ZNHIT6: variants seen among roughly 807,000 people sequenced by gnomAD.
The protein encoded by ZNHIT6 is zinc finger HIT-type containing 6.
ZNHIT6 carries 45 observed loss-of-function variants against 57.2 expected under a neutral mutation model. The observed-to-expected ratio is 0.79, with a 90% CI of 0.62 to 1.01. The LOEUF is 1.01. Ranked by LOEUF, ZNHIT6 falls within the 50% of genes least tolerant of loss-of-function variation. The probability of loss-of-function intolerance (pLI) is 0.00; values close to 1 mark genes in which losing one functional copy is unlikely to be tolerated. For missense variants in ZNHIT6, 528 were observed against 567.3 expected (o/e 0.93, Z 0.70); for synonymous variants, 188 against 190.0 (o/e 0.99, Z 0.09).
Position 85,707,912 on chromosome 1 carries a change from A to C in ZNHIT6, c.373T>G (p.Leu125Val). The C allele has an allele frequency of 6.2e-7, 1 of 1,613,684 alleles. No individual in the cohort carries two copies. Among genetic ancestry groups the C allele is most frequent in the African/African-American group, 1.3e-5 (1 of 74,840 alleles). Residue 125 changes from leucine to valine, a missense_variant, in exon 1 of 10, where the codon TTA becomes GTA. Leu to Val is a conservative substitution (Grantham distance 32). Coordinates refer to ENST00000370574, the MANE Select transcript of ZNHIT6 (RefSeq NM_017953.4). Reference protein sequence around the residue: ...LEVKQETDSSLVVKEAKVGEP... With the variant: ...LEVKQETDSSVVVKEAKVGEP... ...CCCACCTTCGCTTCTTTTACCACTA[A>C]ACTACTATCCGTCTCCTGCTTCACC...
chr1:85,667,961 A>AAAAAAAAAAAAAAATTTATATATATATAT, intron 8 of ZNHIT6, among the ~76,000 whole-genome samples: 1 of 18,202 alleles, frequency 5.5e-5, no homozygotes, highest in Admixed American at 6.7e-4. Flanking sequence ...AAAAAAAAAA[A>AAAAAAAAAAAAAAATTTATATATATATAT]ATATATATAT....
chr1:85,692,525 C>G (rs574580561), intron 5 of ZNHIT6, among the ~76,000 whole-genome samples: 1 of 152,248 alleles, frequency 6.6e-6, no homozygotes, highest in Admixed American at 6.5e-5. Context: ...AGAGAAACCA[C>G]AGAGCTGTCA....
chr1:85,686,131 C>A (rs978408282), intron 5 of ZNHIT6, among the ~76,000 whole-genome samples: 2 of 150,966 alleles, frequency 1.3e-5, no homozygotes, highest in South Asian at 2.1e-4. Context: ...CTGATTAATT[C>A]TTTGTATTTT....
chr1:85,686,337 G>GA (rs1208204664), intron 5 of ZNHIT6, among the ~76,000 whole-genome samples: 2 of 151,130 alleles, frequency 1.3e-5, no homozygotes, highest in South Asian at 2.1e-4. Context: ...CCCCCTTTGA[G>GA]AAAAAAAATA....
intron 8 of ZNHIT6, among the ~76,000 whole-genome samples, chr1:85,674,308 T>G (rs572150336): frequency 1.3e-5 from 2 of 151,698 alleles, no homozygotes; most frequent in African/African-American, 4.8e-5. Context: ...ATCTTTTTCT[T>G]TTTTTTTTCG....
chr1:85,662,235 A>G (rs1234679687), intron 8 of ZNHIT6, among the ~76,000 whole-genome samples: 1 of 151,648 alleles, frequency 6.6e-6, no homozygotes, highest in African/African-American at 2.4e-5. Context: ...TTTATGTCCC[A>G]TCTGATCACT....
At chr1:85,704,686 A>G (rs1486665042) in intron 4 of ZNHIT6, among the ~76,000 whole-genome samples, 1 of 152,196 alleles carries the variant, frequency 6.6e-6, no homozygotes, top group Non-Finnish European at 1.5e-5. Flanking sequence ...AGGAAAAATA[A>G]GAGTTGCTAT....
intron 4 of ZNHIT6, among the ~76,000 whole-genome samples, chr1:85,705,364 G>A (rs952840154): frequency 5.9e-5 from 9 of 152,040 alleles, no homozygotes; most frequent in South Asian, 2.1e-4. Context: ...ACAGGGGCAC[G>A]CCACCACGCC....
intron 8 of ZNHIT6, among the ~76,000 whole-genome samples, chr1:85,667,961 A>AAAAAAAAAAAAAAAAAAAAAAAAATATAT: frequency 5.5e-5 from 1 of 18,200 alleles, no homozygotes; most frequent in African/African-American, 2.1e-4. Context: ...AAAAAAAAAA[A>AAAAAAAAAAAAAAAAAAAAAAAAATATAT]ATATATATAT....
At chr1:85,666,198 A>G (rs148527494) in intron 8 of ZNHIT6, among the ~76,000 whole-genome samples, 1 of 152,304 alleles carries the variant, frequency 6.6e-6, no homozygotes, top group Non-Finnish European at 1.5e-5. Flanking sequence ...AGGAGGAGAG[A>G]GCTAGGTCTA....
chr1:85,706,635 A>C (rs1032651192), intron 1 of ZNHIT6, 128 bp from the exon 2 acceptor site: 1 of 839,744 alleles, frequency 1.2e-6, no homozygotes, highest in Non-Finnish European at 1.7e-6. Flanking sequence ...GCTGTTGAAC[A>C]TCATTTGAAA....
chr1:85,673,492 T>C (rs1293526465), intron 8 of ZNHIT6, among the ~76,000 whole-genome samples: 1 of 152,214 alleles, frequency 6.6e-6, no homozygotes, highest in East Asian at 1.9e-4. Context: ...AATTGCTATA[T>C]ACCTTCCAAG....
intron 8 of ZNHIT6, among the ~76,000 whole-genome samples, chr1:85,675,293 G>A (rs1185460190): frequency 6.6e-6 from 1 of 152,170 alleles, no homozygotes; most frequent in East Asian, 1.9e-4. Context: ...CTAGCTCTAG[G>A]CATTCAACTC....
chr1:85,675,631 C>G (rs1661678392), intron 8 of ZNHIT6, among the ~76,000 whole-genome samples: 1 of 152,156 alleles, frequency 6.6e-6, no homozygotes, highest in Non-Finnish European at 1.5e-5. Flanking sequence ...TCAGTCCATC[C>G]CTTGAAGCTT....
In ZNHIT6 at chr1:85,695,223, G is replaced by A. The variant is rs577695858; in HGVS notation, c.1019+6934C>T. On this transcript the variant is annotated intron_variant, in intron 5 of 9. Coordinates refer to ENST00000370574, the MANE Select transcript of ZNHIT6 (RefSeq NM_017953.4). ...AGGTTGCAGAGAGAAGACTGAGATT[G>A]CACCACTGCACTCCAGCCTGGGTGA... 6.6e-4 allele frequency among the ~76,000 whole-genome samples: 100 copies of A among 152,066 alleles called. 1 individual carries two copies. The highest frequency in any genetic ancestry group is 2.3e-3 in the African/African-American group (95 of 41,458).
chr1:85,689,040 CTA>C (rs1173358649), intron 5 of ZNHIT6, among the ~76,000 whole-genome samples: 1 of 152,140 alleles, frequency 6.6e-6, no homozygotes, highest in African/African-American at 2.4e-5. Context: ...AACATTTCTG[CTA>C]TGTTTCTCTT....
At chr1:85,703,623 C>A (rs765500137) in intron 4 of ZNHIT6, among the ~76,000 whole-genome samples, 5 of 151,976 alleles carry the variant, frequency 3.3e-5, no homozygotes, top group Admixed American at 6.6e-5. Context: ...GTATATGATA[C>A]CAAAAATCAA....
Position 85,677,218 on chromosome 1 carries a change from G to A in ZNHIT6, c.1247+18C>T. On this transcript the variant is annotated intron_variant, in intron 8 of 9. Transcript: ENST00000370574. ...AACTAAAAAATATTTAAAGAAATGG[G>A]GAGGGGAGCAATTTTACCTTACTAA... 1 of 1,566,156 alleles carries A rather than the reference G, an allele frequency of 6.4e-7. No homozygotes were observed.
rs549289165 is a variant in ZNHIT6 at position 85,662,687 on chromosome 1, G to A, written c.1248-4716C>T. ...TAGTTTTCATATTTTAAAAATCACA[G>A]TAGTTAAGTTAGTGGTTTGATGCAC... On this transcript the variant is annotated intron_variant, in intron 8 of 9. Transcript: ENST00000370574. 3.9e-5 allele frequency among the ~76,000 whole-genome samples: 6 copies of A among 152,220 alleles called. No homozygotes were observed. The South Asian group carries it at 6.2e-4, about 16-fold the overall frequency.
Sources: gnomAD v4.1 joint callset for allele counts (sites outside exome capture counted in the v4.1 genomes callset) on GRCh38, gnomAD v4.1.1 for gene constraint, MANE v1.5 for transcripts, NCBI Gene and HGNC (gene_info 2026-07-23, HGNC 2026-07-21) for gene names.